The following AUTS2 variants were observed in gnomAD, a reference collection of about 807,000 sequenced individuals.
AUTS2 encodes activator of transcription and developmental regulator AUTS2.
In AUTS2, 17 loss-of-function variants were observed where a neutral mutation model predicts 112.4. The ratio of observed to expected loss-of-function variants is 0.15; its 90% CI spans 0.10 to 0.23. The LOEUF is 0.23. Among genes scored for constraint, AUTS2 ranks in the 10% least tolerant of loss-of-function variants. The pLI, the probability that AUTS2 is intolerant of heterozygous loss-of-function variation, is 1.00. For synonymous variants in AUTS2, 751 were observed against 702.7 expected, an observed-to-expected ratio of 1.07 and a Z score of -1.09; for missense variants, 1,510 against 1,701.6, an observed-to-expected ratio of 0.89 and a Z score of 1.98.
At chr7:69,644,565 T>C (rs1794940753) in intron 1 of AUTS2, among the ~76,000 whole-genome samples, 1 of 152,102 alleles carries the variant, frequency 6.6e-6, no homozygotes, top group South Asian at 2.1e-4. Context: ...AGTCAAGATG[T>C]AGAGGGCTCA....
chr7:69,789,936 A>G (rs563311027), intron 1 of AUTS2, among the ~76,000 whole-genome samples: 2 of 151,566 alleles, frequency 1.3e-5, no homozygotes, highest in East Asian at 3.9e-4. Flanking sequence ...GCTTAAATAA[A>G]TATCTTTTTT....
rs754027390 is a variant in AUTS2, at chr7:70,123,357, T to C, written c.624+5124T>C. ...GGGGTACATGTGAAGGTTTGTAATATAGGTAAACTCATGTCACAGAGGTTT... is the reference window on the plus strand; with the variant it reads ...GGGGTACATGTGAAGGTTTGTAATACAGGTAAACTCATGTCACAGAGGTTT... On this transcript the variant is annotated intron_variant, in intron 3 of 18. Coordinates refer to ENST00000342771, the MANE Select transcript of AUTS2 (RefSeq NM_015570.4). Among the ~76,000 whole-genome samples the C allele has an allele frequency of 2.0e-5, 3 of 152,318 alleles. No individual in the cohort carries two copies. The East Asian group carries it at 5.8e-4, about 29-fold the overall frequency.
intron 1 of AUTS2, among the ~76,000 whole-genome samples, chr7:69,763,949 G>A (rs964097937): frequency 2.8e-4 from 42 of 152,186 alleles, no homozygotes; most frequent in Admixed American, 2.2e-3. Flanking sequence ...GAGCATCTTG[G>A]ATTGAGCTCC....
At chr7:70,378,272 C>A (rs901384292) in intron 4 of AUTS2, among the ~76,000 whole-genome samples, 1 of 152,158 alleles carries the variant, frequency 6.6e-6, no homozygotes, top group Non-Finnish European at 1.5e-5. Flanking sequence ...GCTTTAATTT[C>A]TTTTATGCAT....
chr7:69,980,812 T>A (rs973581457), intron 2 of AUTS2, among the ~76,000 whole-genome samples: 3 of 152,154 alleles, frequency 2.0e-5, no homozygotes, highest in Non-Finnish European at 4.4e-5. Context: ...TCAATTTTTT[T>A]AAAAAGATCC....
chr7:70,178,604 A>C (rs1809123756), intron 4 of AUTS2, among the ~76,000 whole-genome samples: 2 of 152,112 alleles, frequency 1.3e-5, no homozygotes, highest in South Asian at 4.1e-4. Context: ...GTTTGAGACC[A>C]GCCTGGCCAA....
At chr7:70,419,449 G>A (rs1795123208) in intron 4 of AUTS2, among the ~76,000 whole-genome samples, 1 of 151,248 alleles carries the variant, frequency 6.6e-6, no homozygotes, top group African/African-American at 2.4e-5. Context: ...GGGGGTGGGG[G>A]GAGTTTGCTG....
intron 3 of AUTS2, among the ~76,000 whole-genome samples, chr7:70,129,180 T>C (rs1584764920): frequency 6.6e-6 from 1 of 152,158 alleles, no homozygotes; most frequent in South Asian, 2.1e-4. Flanking sequence ...AGAGAACCTA[T>C]AGTATAACTC....
intron 5 of AUTS2, among the ~76,000 whole-genome samples, chr7:70,613,694 G>C (rs1340398821): frequency 6.6e-6 from 1 of 152,212 alleles, no homozygotes; most frequent in Non-Finnish European, 1.5e-5. Context: ...CTCAGAGAGA[G>C]GGGTTGGTGA....
chr7:70,296,369 GTATC>G (rs1261186505), intron 4 of AUTS2, among the ~76,000 whole-genome samples: 1 of 152,188 alleles, frequency 6.6e-6, no homozygotes, highest in Non-Finnish European at 1.5e-5. Context: ...AAAGTGAAAA[GTATC>G]TGTTTTTAAA....
chr7:70,339,757 G>A (rs1305022313), intron 4 of AUTS2, among the ~76,000 whole-genome samples: 2 of 152,124 alleles, frequency 1.3e-5, no homozygotes, highest in Non-Finnish European at 2.9e-5. Flanking sequence ...AGAGAATAGG[G>A]CCTGGATTTT....
intron 4 of AUTS2, among the ~76,000 whole-genome samples, chr7:70,228,484 T>C (rs1023555504): frequency 6.6e-6 from 1 of 151,888 alleles, no homozygotes. Context: ...TTTTGTTCAG[T>C]TGATTTTCCT....
intron 5 of AUTS2, among the ~76,000 whole-genome samples, chr7:70,687,830 G>A (rs770409471): frequency 6.6e-6 from 1 of 152,196 alleles, no homozygotes; most frequent in Non-Finnish European, 1.5e-5. Flanking sequence ...ACGTTGATTA[G>A]CCCTGAATCG....
intron 1 of AUTS2, among the ~76,000 whole-genome samples, chr7:69,751,857 G>A (rs970707796): frequency 3.3e-5 from 5 of 152,048 alleles, no homozygotes; most frequent in African/African-American, 9.7e-5. Flanking sequence ...TTTGTGTCTC[G>A]GATAGCTTGT....
chr7:69,683,632 C>T (rs1427328192), intron 1 of AUTS2, among the ~76,000 whole-genome samples: 1 of 151,896 alleles, frequency 6.6e-6, no homozygotes, highest in African/African-American at 2.4e-5. Context: ...CGCAATGGCT[C>T]ACACCTGTAA....
intron 4 of AUTS2, among the ~76,000 whole-genome samples, chr7:70,266,296 G>A (rs1288948013): frequency 6.6e-6 from 1 of 152,114 alleles, no homozygotes; most frequent in East Asian, 1.9e-4. Flanking sequence ...ACACCAAACG[G>A]CACATACTGA....
chr7:69,785,636 G>T (rs1208620813), intron 1 of AUTS2, among the ~76,000 whole-genome samples: 1 of 152,210 alleles, frequency 6.6e-6, no homozygotes, highest in Non-Finnish European at 1.5e-5. Flanking sequence ...CATTGGAAGG[G>T]TGGAATGGTC....
chr7:70,282,894 G>A (rs4718941), intron 4 of AUTS2, among the ~76,000 whole-genome samples: 152,005 of 152,322 alleles, frequency 1, 75,845 homozygotes, highest in Middle Eastern at 1. Flanking sequence ...ATATCCCCAT[G>A]GATATTTTAC....
chr7:69,871,180 A>T (rs374579013), intron 1 of AUTS2, among the ~76,000 whole-genome samples: 1 of 152,168 alleles, frequency 6.6e-6, no homozygotes, highest in East Asian at 1.9e-4. Flanking sequence ...TTTCAGTGTG[A>T]TTGGCTAATA....
Sources: gnomAD v4.1 joint callset for allele counts (sites outside exome capture counted in the v4.1 genomes callset) on GRCh38, gnomAD v4.1.1 for gene constraint, MANE v1.5 for transcripts, NCBI Gene and HGNC (gene_info 2026-07-23, HGNC 2026-07-21) for gene names.